Variants in FOXN3 observed in about 807,000 individuals in gnomAD.
The protein encoded by FOXN3 is forkhead box N3.
FOXN3 carries 7 observed loss-of-function variants against 38.4 expected under a neutral mutation model. The ratio of observed to expected loss-of-function variants is 0.18; its 90% CI spans 0.10 to 0.34. The LOEUF is 0.34. Among genes scored for constraint, FOXN3 ranks in the 10% least tolerant of loss-of-function variants. FOXN3 has a pLI of 1.00. For missense variants in FOXN3, 456 were observed against 613.4 expected (o/e 0.74, Z 2.71); for synonymous variants, 230 against 242.2 (o/e 0.95, Z 0.47).
At chr14:89,332,191 G>T (rs1355587801) in intron 3 of FOXN3, among the ~76,000 whole-genome samples, 2 of 152,116 alleles carry the variant, frequency 1.3e-5, no homozygotes, top group African/African-American at 4.8e-5. Context: ...TTCTCAACAT[G>T]TATTTTCTGT....
At chr14:89,251,720 ATTTAT>A (rs1485164614) in intron 4 of FOXN3, among the ~76,000 whole-genome samples, 17 of 152,232 alleles carry the variant, frequency 1.1e-4, no homozygotes, top group Admixed American at 1.1e-3. Flanking sequence ...TCCATTTTAA[ATTTAT>A]TTTCTTTGTA....
intron 4 of FOXN3, chr14:89,230,740 C>T (rs568649967): frequency 2.7e-6 from 1 of 368,168 alleles, no homozygotes; most frequent in African/African-American, 2.1e-5. Flanking sequence ...AGGCGCCACA[C>T]ACTCTTTATT....
chr14:89,427,301 CTTT>C (rs34755821), intron 1 of FOXN3, among the ~76,000 whole-genome samples: 59 of 67,738 alleles, frequency 8.7e-4, no homozygotes, highest in African/African-American at 3.1e-3. Flanking sequence ...GAAAAGGGGA[CTTT>C]TTTTTTTTTT....
At chr14:89,432,541 C>T (rs1207306727) in intron 1 of FOXN3, among the ~76,000 whole-genome samples, 1 of 152,156 alleles carries the variant, frequency 6.6e-6, no homozygotes, top group Non-Finnish European at 1.5e-5. Context: ...TGCTGTCATC[C>T]TCATTTACAG....
chr14:89,355,306 C>A (rs1352431680), intron 2 of FOXN3: 1 of 151,704 alleles, frequency 6.6e-6, no homozygotes, highest in East Asian at 1.9e-4. Context: ...CAGCTCACTG[C>A]AACCTCCGCC....
chr14:89,195,178 A>G (rs1213319551), intron 4 of FOXN3, among the ~76,000 whole-genome samples: 1 of 152,184 alleles, frequency 6.6e-6, no homozygotes, highest in Non-Finnish European at 1.5e-5. Context: ...ACCTAAGGGC[A>G]CTGCCTCTGC....
intron 5 of FOXN3, among the ~76,000 whole-genome samples, chr14:89,165,690 T>C (rs1207778122): frequency 6.6e-6 from 1 of 152,208 alleles, no homozygotes; most frequent in African/African-American, 2.4e-5. Context: ...ACTTGGTAAA[T>C]GTAATTAATC....
intron 1 of FOXN3, among the ~76,000 whole-genome samples, chr14:89,531,362 T>C (rs1385922520): frequency 6.6e-6 from 1 of 152,124 alleles, no homozygotes; most frequent in Non-Finnish European, 1.5e-5. Flanking sequence ...TAAATACATA[T>C]ATCATTGTCT....
At position 89,180,815 on chromosome 14, in the gene FOXN3, G is replaced by C. The variant is rs1486303188; in HGVS notation, c.746-9C>G. On this transcript the variant is annotated splice_polypyrimidine_tract_variant and intron_variant, in intron 4 of 5. Coordinates refer to ENST00000557258, the MANE Select transcript of FOXN3 (RefSeq NM_005197.4). Reference sequence around the variant, plus strand: ...GATCACTCCTGGAGGAACTGAAAAAGCAAAGGGGAGAAAGACACCGCACGT... The same window carrying C: ...GATCACTCCTGGAGGAACTGAAAAACCAAAGGGGAGAAAGACACCGCACGT... The C allele has an allele frequency of 1.3e-6, 2 of 1,598,902 alleles. No homozygotes were observed. Among genetic ancestry groups the C allele is most frequent in the Non-Finnish European group, 8.5e-7 (1 of 1,170,704 alleles).
At chr14:89,182,859 G>A (rs139699768) in intron 4 of FOXN3, among the ~76,000 whole-genome samples, 2,448 of 152,274 alleles carry the variant, frequency 0.016, 30 homozygotes, top group Middle Eastern at 0.027. Context: ...AGGGTACTGA[G>A]ATAATGCAAG....
At chr14:89,382,375 T>C (rs182281322) in intron 2 of FOXN3, among the ~76,000 whole-genome samples, 13 of 152,220 alleles carry the variant, frequency 8.5e-5, no homozygotes, top group East Asian at 1.9e-4. Context: ...TGTTCCCCAG[T>C]AGAGACACAA....
At chr14:89,316,960 C>A (rs1004154541) in intron 3 of FOXN3, among the ~76,000 whole-genome samples, 2 of 152,114 alleles carry the variant, frequency 1.3e-5, no homozygotes, top group Non-Finnish European at 2.9e-5. Flanking sequence ...CCACCACACC[C>A]GGCCACCAAT....
chr14:89,555,884 G>GGGGTGTGT (rs1895112741), intron 1 of FOXN3, among the ~76,000 whole-genome samples: 1 of 90,184 alleles, frequency 1.1e-5, no homozygotes, highest in East Asian at 3.5e-4. Flanking sequence ...TGTATGTGGG[G>GGGGTGTGT]GTGTATGTGG....
Position 89,164,434 on chromosome 14 carries a change from C to A in FOXN3, c.852-1465G>T, listed in dbSNP as rs1197519860. Among the ~76,000 whole-genome samples, 1 of 152,146 alleles carries A rather than the reference C, an allele frequency of 6.6e-6. No individual in the cohort carries two copies. Among genetic ancestry groups the A allele is most frequent in the South Asian group, 2.1e-4 (1 of 4,822 alleles). ...TTTCTAAGAGTTCTGGGGAACATGA[C>A]CATACTTTTCCTGCCTAGATGACCC... On this transcript the variant is annotated intron_variant, in intron 5 of 5. Coordinates refer to ENST00000557258, the MANE Select transcript of FOXN3 (RefSeq NM_005197.4). This position sits in a 1 kb window ranked among gnomAD's most constrained non-coding sequence, Gnocchi z 4.3.
At chr14:89,261,200 TGG>T (rs1885788941) in intron 4 of FOXN3, among the ~76,000 whole-genome samples, 3 of 152,144 alleles carry the variant, frequency 2.0e-5, no homozygotes, top group Admixed American at 6.5e-5. Context: ...ACCCACCAAA[TGG>T]TTCAGTGGTA....
At chr14:89,563,298 T>C (rs187288462) in intron 1 of FOXN3, among the ~76,000 whole-genome samples, 1 of 152,352 alleles carries the variant, frequency 6.6e-6, no homozygotes, top group Admixed American at 6.5e-5. Flanking sequence ...ATTTGAATAG[T>C]ACTTCTCATA....
chr14:89,390,309 C>A lies in FOXN3; in HGVS notation c.543+21625G>T, dbSNP rs374917969. On this transcript the variant is annotated intron_variant, in intron 2 of 5. Coordinates refer to ENST00000557258, the MANE Select transcript of FOXN3 (RefSeq NM_005197.4). ...TCGTTCTCTTTCTCTCTCTCTCTCT[C>A]TCTCTATATATATATAAATATTATC... Among the ~76,000 whole-genome samples, 981 of 128,088 alleles carry A rather than the reference C, an allele frequency of 7.7e-3. 5 individuals are homozygous for A. The highest frequency in any genetic ancestry group is 0.017 in the African/African-American group (644 of 38,224). The allele number at this position is 128,088 out of a possible 152,430, so 84.0% of individuals were successfully genotyped here. A position where few individuals can be genotyped will look rare whatever the true frequency, so the allele number is the denominator to read the frequency against.
chr14:89,179,981 C>T (rs923246348), intron 5 of FOXN3, among the ~76,000 whole-genome samples: 5 of 152,166 alleles, frequency 3.3e-5, no homozygotes, highest in East Asian at 1.9e-4. Context: ...TAGAGGGGCA[C>T]GGAGTTAGGA....
intron 1 of FOXN3, among the ~76,000 whole-genome samples, chr14:89,462,370 C>G (rs973246204): frequency 6.6e-6 from 1 of 152,206 alleles, no homozygotes; most frequent in Non-Finnish European, 1.5e-5. Flanking sequence ...TTAATCATGC[C>G]TCCCACCTAC....
Sources: gnomAD v4.1 joint callset for allele counts (sites outside exome capture counted in the v4.1 genomes callset) on GRCh38, gnomAD v4.1.1 for gene constraint, Gnocchi (gnomAD v3.1) non-coding constraint, MANE v1.5 for transcripts, NCBI Gene and HGNC (gene_info 2026-07-23, HGNC 2026-07-21) for gene names.